PTPRT: variants seen among roughly 807,000 people sequenced by gnomAD.
PTPRT encodes the protein receptor-type tyrosine-protein phosphatase T.
PTPRT carries 56 observed loss-of-function variants against 176.8 expected under a neutral mutation model. The observed-to-expected ratio is 0.32, with a 90% CI of 0.26 to 0.40. PTPRT has a LOEUF of 0.40. Ranked by LOEUF, PTPRT falls within the 10% of genes least tolerant of loss-of-function variation. The pLI is 1.00. For missense variants in PTPRT, 1,540 were observed against 1,908.2 expected (o/e 0.81, Z 3.60); for synonymous variants, 783 against 739.0 (o/e 1.06, Z -0.96).
intron 7 of PTPRT, among the ~76,000 whole-genome samples, chr20:42,520,834 T>G (rs2145494963): frequency 7.2e-6 from 1 of 139,612 alleles, no homozygotes; most frequent in Admixed American, 7.4e-5. Flanking sequence ...TATGTATGGG[T>G]GTGTGTGTAG....
intron 17 of PTPRT, among the ~76,000 whole-genome samples, chr20:42,146,384 A>AT (rs1045354149): frequency 6.6e-6 from 1 of 152,090 alleles, no homozygotes; most frequent in African/African-American, 2.4e-5. Flanking sequence ...TTTCATACTA[A>AT]TTTTTTGAAA....
chr20:42,948,768 T>C (rs1050805044), intron 1 of PTPRT, among the ~76,000 whole-genome samples: 2 of 152,218 alleles, frequency 1.3e-5, no homozygotes, highest in African/African-American at 4.8e-5. Context: ...TTTTTGCTTA[T>C]GCCATTTTGG....
chr20:43,040,330 T>A (rs1986552984), intron 1 of PTPRT, among the ~76,000 whole-genome samples: 1 of 152,216 alleles, frequency 6.6e-6, no homozygotes, highest in Admixed American at 6.5e-5. Flanking sequence ...TTTAGAATTA[T>A]GACTATCAAT....
At chr20:42,038,263 G>T in the PTPRT span, among the ~76,000 whole-genome samples, 6 of 152,242 alleles carry the variant, frequency 3.9e-5, no homozygotes, top group East Asian at 1.2e-3. Context: ...AGGTAAAGTG[G>T]CTCCCTCAAG....
At chr20:42,474,867 G>A (rs371853013) in intron 7 of PTPRT, among the ~76,000 whole-genome samples, 66 of 152,158 alleles carry the variant, frequency 4.3e-4, no homozygotes, top group African/African-American at 1.3e-3. Context: ...CCTGCTCAGG[G>A]CCTCTTCGAC....
chr20:43,077,352 C>G (rs1418923378), intron 1 of PTPRT, among the ~76,000 whole-genome samples: 6 of 152,206 alleles, frequency 3.9e-5, no homozygotes, highest in African/African-American at 1.2e-4. Flanking sequence ...AAGGATGAAG[C>G]TGAATCCAAG....
At chr20:42,306,820 GT>G (rs759695244) in intron 12 of PTPRT, among the ~76,000 whole-genome samples, 25 of 152,160 alleles carry the variant, frequency 1.6e-4, no homozygotes, top group Non-Finnish European at 3.5e-4. Context: ...GGGAAAAGCT[GT>G]TACTAAAATC....
chr20:43,042,029 C>T lies in PTPRT; in HGVS notation c.88+147617G>A, dbSNP rs575017070. Among the ~76,000 whole-genome samples the T allele has an allele frequency of 4.6e-5, 7 of 152,284 alleles. No homozygotes were observed. In the South Asian group the frequency reaches 1.2e-3, roughly 27 times the overall value. ...CTGACATGTACCAGAATCTGATGTT[C>T]AGAAAGTTCTTTACCCTCCCTGAGC... On this transcript the variant is annotated intron_variant, in intron 1 of 30. Coordinates refer to ENST00000373187, the MANE Select transcript of PTPRT (RefSeq NM_007050.6).
chr20:42,333,422 C>T (rs1354427593), intron 11 of PTPRT, among the ~76,000 whole-genome samples: 4 of 150,328 alleles, frequency 2.7e-5, no homozygotes, highest in African/African-American at 9.8e-5. Flanking sequence ...ACCTCTGACT[C>T]CCTGGTTCAA....
At chr20:42,365,670 T>C (rs895826727) in intron 9 of PTPRT, among the ~76,000 whole-genome samples, 2 of 151,954 alleles carry the variant, frequency 1.3e-5, no homozygotes, top group African/African-American at 4.8e-5. Flanking sequence ...AAAAAAAAAA[T>C]TAAAATCATG....
intron 1 of PTPRT, among the ~76,000 whole-genome samples, chr20:42,982,817 G>C (rs1983357478): frequency 6.6e-6 from 1 of 152,204 alleles, no homozygotes; most frequent in East Asian, 1.9e-4. Context: ...TTATGACACG[G>C]AGAGCAGAGG....
In PTPRT at chr20:43,103,595, C is replaced by T. The variant is rs538237490; in HGVS notation, c.88+86051G>A. ...CAATGCTTTATATAAATCCTGCATC[C>T]TCAATGGGGGCAATATCACCCCCAA... On this transcript the variant is annotated intron_variant, in intron 1 of 30. Transcript: ENST00000373187. 3.9e-5 allele frequency among the ~76,000 whole-genome samples: 6 copies of T among 152,178 alleles called. No individual in the cohort carries two copies. In the South Asian group the frequency reaches 1.2e-3, roughly 32 times the overall value.
At chr20:42,584,389 T>C (rs1026914684) in intron 7 of PTPRT, among the ~76,000 whole-genome samples, 3 of 152,130 alleles carry the variant, frequency 2.0e-5, no homozygotes, top group Non-Finnish European at 4.4e-5. Flanking sequence ...AACATGGTCC[T>C]CCCACCTCAC....
At chr20:42,762,153 C>T (rs1200796611) in intron 5 of PTPRT, among the ~76,000 whole-genome samples, 2 of 152,174 alleles carry the variant, frequency 1.3e-5, no homozygotes, top group Non-Finnish European at 2.9e-5. Flanking sequence ...TTCCTATATT[C>T]TTGGCCATCA....
At chr20:42,139,760 C>T (rs1988537365) in intron 18 of PTPRT, among the ~76,000 whole-genome samples, 1 of 152,236 alleles carries the variant, frequency 6.6e-6, no homozygotes, top group East Asian at 1.9e-4. Flanking sequence ...TTTTAGGGTA[C>T]AGTGTCCACA....
intron 2 of PTPRT, among the ~76,000 whole-genome samples, chr20:42,852,686 C>T (rs906798915): frequency 6.6e-6 from 1 of 152,108 alleles, no homozygotes; most frequent in African/African-American, 2.4e-5. Context: ...GGATTCTGTT[C>T]CCCACCAAGC....
At chr20:43,107,036 C>T (rs999138156) in intron 1 of PTPRT, among the ~76,000 whole-genome samples, 11 of 152,078 alleles carry the variant, frequency 7.2e-5, no homozygotes, top group South Asian at 2.1e-4. Flanking sequence ...GTGATCCGCC[C>T]GCCTCGGCCT....
chr20:42,649,832 T>C (rs1169059526), intron 7 of PTPRT, among the ~76,000 whole-genome samples: 2 of 151,808 alleles, frequency 1.3e-5, no homozygotes, highest in Non-Finnish European at 2.9e-5. Context: ...CACTCAAGCA[T>C]CTGCAGCACA....
intron 8 of PTPRT, among the ~76,000 whole-genome samples, chr20:42,451,939 A>G (rs2070837450): frequency 6.6e-6 from 1 of 152,194 alleles, no homozygotes; most frequent in Non-Finnish European, 1.5e-5. Context: ...ACTCTCTTAA[A>G]GACAAGAGAG....
Sources: allele counts gnomAD v4.1 joint callset (sites outside exome capture counted in the v4.1 genomes callset), GRCh38; gene constraint gnomAD v4.1.1; transcripts MANE v1.5; gene names NCBI Gene and HGNC (gene_info 2026-07-23, HGNC 2026-07-21).